ZPLD1: variants seen among roughly 807,000 people sequenced by gnomAD.
ZPLD1 encodes zona pellucida like domain containing 1, also known as zona pellucida-like domain-containing protein 1.
ZPLD1 carries 34 observed loss-of-function variants against 47.2 expected under a neutral mutation model. That is an observed-to-expected ratio of 0.72 (90% CI 0.55 to 0.96). The LOEUF (loss-of-function observed/expected upper bound fraction) is 0.96. Ranked by LOEUF, ZPLD1 falls within the 40% of genes least tolerant of loss-of-function variation. The probability of loss-of-function intolerance (pLI) is 0.00; values close to 1 mark genes in which losing one functional copy is unlikely to be tolerated. For missense variants in ZPLD1, 512 were observed against 505.8 expected (o/e 1.01, Z -0.12); for synonymous variants, 176 against 186.2 (o/e 0.95, Z 0.45).
chr3:102,475,692 T>G (rs1158913415), intron 10 of ZPLD1, among the ~76,000 whole-genome samples: 1 of 152,148 alleles, frequency 6.6e-6, no homozygotes, highest in East Asian at 1.9e-4. Context: ...AAATGTGTGT[T>G]ATTTTTCTTT....
chr3:102,470,777 TTTTA>T (rs553807555), intron 10 of ZPLD1, among the ~76,000 whole-genome samples: 12 of 151,496 alleles, frequency 7.9e-5, no homozygotes, highest in South Asian at 4.2e-4. Context: ...GCTGGACCTG[TTTTA>T]TTTATTTATT....
Position 102,464,215 on chromosome 3 carries a change from A to T in ZPLD1, c.725A>T (p.Asn242Ile). The T allele has an allele frequency of 6.2e-7, 1 of 1,613,332 alleles. No homozygotes were observed. Among genetic ancestry groups the T allele is most frequent in the Non-Finnish European group, 8.5e-7 (1 of 1,179,396 alleles). Residue 242 changes from asparagine to isoleucine, a missense_variant, in exon 8 of 12, where the codon AAC becomes ATC. By Grantham distance (149) the Asn-to-Ile change is moderately radical (BLOSUM62 -3). Coordinates refer to ENST00000466937, the MANE Select transcript of ZPLD1 (RefSeq NM_001329788.2). The stretch of plus-strand genomic sequence containing the variant: ...TATTGCTATACTACCCCATCAGGAA[A>T]CCCAAATGATGACATTCGATATGAT... Reference protein sequence around the residue: ...MDYCYTTPSGNPNDDIRYDLF... With the variant: ...MDYCYTTPSGIPNDDIRYDLF...
chr3:102,439,212 A>G (rs1707137391), intron 3 of ZPLD1, among the ~76,000 whole-genome samples: 1 of 152,254 alleles, frequency 6.6e-6, no homozygotes, highest in Non-Finnish European at 1.5e-5. Flanking sequence ...CCACAGTTCA[A>G]CATTTACAAA....
At chr3:102,391,000 G>A (rs1706489071) in intron 6 of ZPLD1, among the ~76,000 whole-genome samples, 1 of 152,130 alleles carries the variant, frequency 6.6e-6, no homozygotes, top group African/African-American at 2.4e-5. Context: ...TAAATTTTTA[G>A]TCTCCTTAGA....
chr3:102,471,523 T>C (rs576143341), intron 10 of ZPLD1, among the ~76,000 whole-genome samples: 2 of 152,302 alleles, frequency 1.3e-5, no homozygotes, highest in African/African-American at 2.4e-5. Flanking sequence ...CATATCCTCA[T>C]GTATACAAAT....
rs770110437 is a variant in ZPLD1 at position 102,457,859 on chromosome 3, T to C, written c.582+6T>C. On this transcript the variant is annotated splice_donor_region_variant and intron_variant, in intron 6 of 11. Coordinates refer to ENST00000466937, the MANE Select transcript of ZPLD1 (RefSeq NM_001329788.2). ...TGAACCTGCTCCTTTATAACGTAAG[T>C]TGATGGGTGAAGGATGTTATTTTCT... The C allele has an allele frequency of 2.2e-5, 35 of 1,613,576 alleles. No individual in the cohort carries two copies. Among genetic ancestry groups the C allele is most frequent in the Non-Finnish European group, 2.9e-5 (34 of 1,179,726 alleles).
chr3:102,453,320 G>C (rs1707367884), intron 4 of ZPLD1, among the ~76,000 whole-genome samples, 181 bp downstream of exon 4: 1 of 152,150 alleles, frequency 6.6e-6, no homozygotes, highest in African/African-American at 2.4e-5. Flanking sequence ...TCCAATAATG[G>C]TTATGTTTAT....
intron 7 of ZPLD1, among the ~76,000 whole-genome samples, chr3:102,410,631 C>A (rs1262916421): frequency 6.7e-6 from 1 of 149,158 alleles, no homozygotes. Flanking sequence ...CTTTCAGCAA[C>A]CTAACATTGG....
intron 11 of ZPLD1, 28 bp downstream of exon 11, chr3:102,477,069 T>A (rs1707769400): frequency 6.2e-7 from 1 of 1,611,644 alleles, no homozygotes; most frequent in African/African-American, 1.3e-5. Flanking sequence ...TTTTGCAATG[T>A]TTTTTACATT....
At chr3:102,395,702 A>C (rs927917239) in intron 7 of ZPLD1, among the ~76,000 whole-genome samples, 2 of 152,212 alleles carry the variant, frequency 1.3e-5, no homozygotes, top group Non-Finnish European at 2.9e-5. Flanking sequence ...GTGCACATTC[A>C]TAACAGTTGC....
intron 8 of ZPLD1, among the ~76,000 whole-genome samples, chr3:102,468,320 A>G (rs1428753025): frequency 6.6e-6 from 1 of 152,216 alleles, no homozygotes; most frequent in African/African-American, 2.4e-5. Flanking sequence ...CATGTTCAAC[A>G]TGATATATTG....
chr3:102,388,034 G>C (rs1487307061), intron 6 of ZPLD1, among the ~76,000 whole-genome samples: 1 of 151,734 alleles, frequency 6.6e-6, no homozygotes, highest in Non-Finnish European at 1.5e-5. Context: ...CTAATTTTTT[G>C]TATTTTTAGT....
At chr3:102,427,000 G>C (rs1323537953) in intron 8 of ZPLD1, among the ~76,000 whole-genome samples, 3 of 152,156 alleles carry the variant, frequency 2.0e-5, no homozygotes, top group Non-Finnish European at 2.9e-5. Flanking sequence ...AGCTCTGTTT[G>C]CTTCAACACC....
At chr3:102,438,194 A>G (rs1391829497) in intron 2 of ZPLD1, among the ~76,000 whole-genome samples, 1 of 152,202 alleles carries the variant, frequency 6.6e-6, no homozygotes, top group African/African-American at 2.4e-5. Context: ...CATAATAAAG[A>G]AGTTTCCTTT....
rs1559756302 is a variant in ZPLD1, at chr3:102,453,066, A to G, written c.254A>G (p.Asn85Ser). 1.2e-6 allele frequency: 2 copies of G among 1,614,106 alleles called. No homozygotes were observed. Among genetic ancestry groups the G allele is most frequent in the Non-Finnish European group, 1.7e-6 (2 of 1,179,998 alleles). Reference protein sequence around the residue: ...GDSHCRGFINNNTFPAVVIFI... With the variant: ...GDSHCRGFINSNTFPAVVIFI... ...TCCCACTGCAGAGGGTTCATCAATA[A>G]CAACACCTTTCCAGCAGTGGTCATT... The change falls in exon 4 of 12, where the codon AAC (asparagine) becomes AGC (serine). Residue 85 changes from asparagine to serine, a missense_variant. Physicochemically the swap from Asn to Ser is conservative, Grantham distance 46 (BLOSUM62 1). Coordinates refer to ENST00000466937, the MANE Select transcript of ZPLD1 (RefSeq NM_001329788.2).
intron 6 of ZPLD1, among the ~76,000 whole-genome samples, chr3:102,460,778 T>C (rs1707494820): frequency 6.6e-6 from 1 of 151,978 alleles, no homozygotes; most frequent in African/African-American, 2.4e-5. Flanking sequence ...GGATCATATG[T>C]CATTTGCAAA....
At chr3:102,467,443 A>G (rs965679524) in intron 8 of ZPLD1, among the ~76,000 whole-genome samples, 2 of 152,158 alleles carry the variant, frequency 1.3e-5, no homozygotes, top group African/African-American at 4.8e-5. Context: ...AAATGTCACA[A>G]TTATTAAAGG....
intron 3 of ZPLD1, among the ~76,000 whole-genome samples, chr3:102,449,980 C>A (rs866880155): frequency 6.6e-6 from 1 of 152,076 alleles, no homozygotes; most frequent in Non-Finnish European, 1.5e-5. Context: ...AATATAAAAC[C>A]TTTCCTGCCT....
intron 7 of ZPLD1, among the ~76,000 whole-genome samples, chr3:102,397,421 T>G (rs995572901): frequency 2.4e-4 from 37 of 152,046 alleles, no homozygotes; most frequent in Non-Finnish European, 1.2e-4. Context: ...CCACTGAATG[T>G]TGCTTGGAGA....
Sources: gnomAD v4.1 joint callset for allele counts (sites outside exome capture counted in the v4.1 genomes callset) on GRCh38, gnomAD v4.1.1 for gene constraint, MANE v1.5 for transcripts, NCBI Gene and HGNC (gene_info 2026-07-23, HGNC 2026-07-21) for gene names.